UBASH3B: variants seen among roughly 807,000 people sequenced by gnomAD.
UBASH3B encodes the protein ubiquitin associated and SH3 domain containing B, also known as ubiquitin-associated and SH3 domain-containing protein B.
Under a neutral mutation model 83.4 loss-of-function variants are expected in UBASH3B, and 37 were observed. The observed-to-expected ratio is 0.44, with a 90% CI of 0.34 to 0.58. UBASH3B has a LOEUF of 0.58. Among genes scored for constraint, UBASH3B ranks in the 20% least tolerant of loss-of-function variants. UBASH3B has a pLI of 0.01. For missense variants in UBASH3B, 657 were observed against 827.2 expected, an observed-to-expected ratio of 0.79 and a Z score of 2.52; for synonymous variants, 304 against 318.3, an observed-to-expected ratio of 0.96 and a Z score of 0.48.
chr11:122,718,746 G>A (rs929020793), intron 1 of UBASH3B, among the ~76,000 whole-genome samples: 1 of 152,206 alleles, frequency 6.6e-6, no homozygotes, highest in African/African-American at 2.4e-5. Context: ...TGTGTGTTTT[G>A]TGGCGGGAGG....
At chr11:122,658,388 C>T (rs1366910914) in intron 1 of UBASH3B, among the ~76,000 whole-genome samples, 1 of 152,152 alleles carries the variant, frequency 6.6e-6, no homozygotes, top group Non-Finnish European at 1.5e-5. Context: ...CATCTTTTCT[C>T]CTGCTCTGAG....
chr11:122,721,972 T>G (rs1477497224), intron 1 of UBASH3B, among the ~76,000 whole-genome samples: 1 of 152,240 alleles, frequency 6.6e-6, no homozygotes, highest in Non-Finnish European at 1.5e-5. Flanking sequence ...TTACACAGAC[T>G]TTTTGATTCT....
chr11:122,672,146 C>T (rs1005701041), intron 1 of UBASH3B, among the ~76,000 whole-genome samples: 3 of 151,754 alleles, frequency 2.0e-5, no homozygotes, highest in Non-Finnish European at 4.4e-5. Flanking sequence ...GGAATTGTGC[C>T]GCATTCTGAA....
At chr11:122,782,803 C>A in intron 4 of UBASH3B, 1 of 440,082 alleles carries the variant, frequency 2.3e-6, no homozygotes, top group South Asian at 3.5e-5. Flanking sequence ...AAGGACTGCC[C>A]TCAGCTGACC....
chr11:122,691,791 C>T (rs1413725334), intron 1 of UBASH3B, among the ~76,000 whole-genome samples: 3 of 152,030 alleles, frequency 2.0e-5, no homozygotes, highest in South Asian at 2.1e-4. Flanking sequence ...TTGCTGAGTC[C>T]CCTGGCTTGA....
At chr11:122,726,494 T>TA (rs1211986963) in intron 1 of UBASH3B, among the ~76,000 whole-genome samples, 3 of 151,814 alleles carry the variant, frequency 2.0e-5, no homozygotes, top group Non-Finnish European at 4.4e-5. Flanking sequence ...GGATTACAGG[T>TA]GTCTGCTACC....
intron 1 of UBASH3B, among the ~76,000 whole-genome samples, chr11:122,748,646 C>A (rs956966143): frequency 6.6e-6 from 1 of 152,128 alleles, no homozygotes; most frequent in Non-Finnish European, 1.5e-5. Flanking sequence ...CATTTCCTCC[C>A]GTCCACAGAA....
intron 1 of UBASH3B, among the ~76,000 whole-genome samples, chr11:122,746,604 T>A (rs1452211061): frequency 6.6e-6 from 1 of 152,012 alleles, no homozygotes; most frequent in Non-Finnish European, 1.5e-5. Context: ...AAAATAGACA[T>A]AGAAGGAAAT....
chr11:122,657,862 C>T (rs568574074), intron 1 of UBASH3B, among the ~76,000 whole-genome samples: 2 of 152,032 alleles, frequency 1.3e-5, no homozygotes, highest in African/African-American at 2.4e-5. Context: ...GTGAAGTCGT[C>T]GGTGTGGATG....
intron 3 of UBASH3B, 97 bp from the exon 4 acceptor site, chr11:122,779,400 C>A: frequency 7.4e-7 from 1 of 1,349,874 alleles, no homozygotes; most frequent in Non-Finnish European, 1.1e-6. Flanking sequence ...CATTATCAGC[C>A]TCCTCCAGTC....
chr11:122,698,938 C>T (rs1863998280), intron 1 of UBASH3B, among the ~76,000 whole-genome samples: 1 of 152,186 alleles, frequency 6.6e-6, no homozygotes, highest in African/African-American at 2.4e-5. Context: ...GCAACATCCA[C>T]CTCCCAGTTC....
intron 1 of UBASH3B, among the ~76,000 whole-genome samples, chr11:122,708,572 G>A (rs528699243): frequency 5.3e-5 from 8 of 152,330 alleles, no homozygotes; most frequent in Admixed American, 5.2e-4. Flanking sequence ...GGGATTACAG[G>A]TGTGAGTCAC....
intron 1 of UBASH3B, among the ~76,000 whole-genome samples, chr11:122,746,622 G>T (rs2135964594): frequency 6.6e-6 from 1 of 152,330 alleles, no homozygotes; most frequent in African/African-American, 2.4e-5. Context: ...AATAATTAGA[G>T]ATAAGACTGG....
chr11:122,750,379 G>A (rs970537922), intron 1 of UBASH3B, among the ~76,000 whole-genome samples: 1 of 152,034 alleles, frequency 6.6e-6, no homozygotes, highest in African/African-American at 2.4e-5. Context: ...AAGTTACAAT[G>A]TACCCTCAGT....
At chr11:122,709,891 T>A (rs893697987) in intron 1 of UBASH3B, among the ~76,000 whole-genome samples, 3 of 152,096 alleles carry the variant, frequency 2.0e-5, no homozygotes, top group African/African-American at 7.2e-5. Flanking sequence ...GGGCTGTGGG[T>A]CGCGCCTGTA....
intron 1 of UBASH3B, among the ~76,000 whole-genome samples, chr11:122,719,827 A>G (rs1860591505): frequency 6.6e-6 from 1 of 152,136 alleles, no homozygotes; most frequent in Non-Finnish European, 1.5e-5. Context: ...AGTGCCATAT[A>G]TTGTGAGCAA....
intron 1 of UBASH3B, among the ~76,000 whole-genome samples, chr11:122,714,698 T>C (rs1203568875): frequency 4.6e-5 from 7 of 152,196 alleles, no homozygotes; most frequent in Non-Finnish European, 8.8e-5. Flanking sequence ...AAGCCTGAAA[T>C]GTGCTTCCTC....
At chr11:122,735,531 C>T (rs1397200512) in intron 1 of UBASH3B, among the ~76,000 whole-genome samples, 1 of 152,122 alleles carries the variant, frequency 6.6e-6, no homozygotes, top group Non-Finnish European at 1.5e-5. Flanking sequence ...GTGATAGAGG[C>T]GAGAGGTTCA....
chr11:122,768,550 C>T (rs937798482), intron 1 of UBASH3B, among the ~76,000 whole-genome samples: 6 of 151,632 alleles, frequency 4.0e-5, no homozygotes, highest in African/African-American at 7.3e-5. Context: ...CTATCGCCCA[C>T]GCTGGAGTGC....
Sources: allele counts gnomAD v4.1 joint callset (sites outside exome capture counted in the v4.1 genomes callset), GRCh38; gene constraint gnomAD v4.1.1; transcripts MANE v1.5; gene names NCBI Gene and HGNC (gene_info 2026-07-23, HGNC 2026-07-21).